Variants in ANKRD42 observed in about 807,000 individuals in gnomAD.
ANKRD42 encodes the protein ankyrin repeat domain-containing protein 42.
Under a neutral mutation model 51.5 loss-of-function variants are expected in ANKRD42, and 43 were observed. The ratio of observed to expected loss-of-function variants is 0.83; its 90% CI spans 0.65 to 1.08. ANKRD42 has a LOEUF of 1.08. Ranked by LOEUF, ANKRD42 falls within the 50% of genes least tolerant of loss-of-function variation. The probability of loss-of-function intolerance (pLI) is 0.00; values close to 1 mark genes in which losing one functional copy is unlikely to be tolerated. For missense variants in ANKRD42, 608 were observed against 629.3 expected (o/e 0.97, Z 0.36); for synonymous variants, 203 against 213.0 (o/e 0.95, Z 0.41).
At chr11:83,254,753 A>G (rs567767096) in intron 11 of ANKRD42, among the ~76,000 whole-genome samples, 206 of 152,168 alleles carry the variant, frequency 1.4e-3, no homozygotes, top group Non-Finnish European at 2.4e-3. Flanking sequence ...GCTACTTACT[A>G]CACTTGATTT....
chr11:83,238,009 C>G (rs1358174740), intron 8 of ANKRD42, among the ~76,000 whole-genome samples: 1 of 152,196 alleles, frequency 6.6e-6, no homozygotes, highest in South Asian at 2.1e-4. Context: ...GCTTCTTTCA[C>G]TCAACGTAAT....
intron 11 of ANKRD42, among the ~76,000 whole-genome samples, chr11:83,255,328 G>T (rs1020470307): frequency 6.6e-6 from 1 of 152,270 alleles, no homozygotes; most frequent in Non-Finnish European, 1.5e-5. Context: ...GAAATATTTA[G>T]AAACAGTGAG....
chr11:83,205,210 C>G (rs1054236118), intron 2 of ANKRD42, among the ~76,000 whole-genome samples: 4 of 152,208 alleles, frequency 2.6e-5, no homozygotes, highest in African/African-American at 9.7e-5. Context: ...TCGACAGTGG[C>G]TTTATTCTCT....
At chr11:83,212,723 T>C (rs1862372618) in intron 5 of ANKRD42, 1 of 1,535,992 alleles carries the variant, frequency 6.5e-7, no homozygotes, top group Non-Finnish European at 8.7e-7. Context: ...ATTTGGCACC[T>C]ACCTACCTGC....
downstream of ANKRD42, chr11:83,260,965 A>G (rs2135576395): frequency 6.6e-6 from 1 of 152,346 alleles, no homozygotes; most frequent in African/African-American, 2.4e-5. Context: ...CTTAAACTAC[A>G]TTAAGAAGCA....
chr11:83,207,537 A>T (rs1862124204), intron 3 of ANKRD42, among the ~76,000 whole-genome samples: 1 of 152,228 alleles, frequency 6.6e-6, no homozygotes. Context: ...GATTTTAAAG[A>T]GGTAAGTAAT....
At chr11:83,262,453 G>A (rs533688875), downstream of ANKRD42, among the ~76,000 whole-genome samples, 7 of 152,110 alleles carry the variant, frequency 4.6e-5, no homozygotes, top group African/African-American at 1.4e-4. Context: ...TGAGGTAGAA[G>A]AAAAGGCAGA....
chr11:83,231,388 GC>G (rs1428956190), intron 7 of ANKRD42, among the ~76,000 whole-genome samples: 2 of 152,072 alleles, frequency 1.3e-5, no homozygotes, highest in Non-Finnish European at 2.9e-5. Flanking sequence ...CAGATCTTTT[GC>G]CCATTTAAAA....
At chr11:83,217,471 T>A (rs1214023316) in intron 5 of ANKRD42, among the ~76,000 whole-genome samples, 1 of 152,218 alleles carries the variant, frequency 6.6e-6, no homozygotes, top group Non-Finnish European at 1.5e-5. Context: ...GTCCTAAGAT[T>A]CGTCGGATAG....
At chr11:83,258,122 C>T (rs930539295), downstream of ANKRD42, among the ~76,000 whole-genome samples, 1 of 152,088 alleles carries the variant, frequency 6.6e-6, no homozygotes, top group African/African-American at 2.4e-5. Context: ...GATGGCAGAG[C>T]AGTAAAATAA....
chr11:83,239,500 T>C (rs1191016375), intron 8 of ANKRD42, among the ~76,000 whole-genome samples: 1 of 152,216 alleles, frequency 6.6e-6, no homozygotes, highest in Non-Finnish European at 1.5e-5. Context: ...TTTTCTTTTA[T>C]GTTTTCTTTT....
chr11:83,203,621 T>C (rs1861955552), intron 2 of ANKRD42, among the ~76,000 whole-genome samples: 1 of 152,274 alleles, frequency 6.6e-6, no homozygotes, highest in East Asian at 1.9e-4. Context: ...CTCAAACTCC[T>C]GACCTTGTGA....
intron 2 of ANKRD42, among the ~76,000 whole-genome samples, chr11:83,200,290 T>G (rs529610980): frequency 9.2e-4 from 139 of 151,332 alleles, no homozygotes; most frequent in Non-Finnish European, 1.9e-3. Flanking sequence ...CTTTCCTACT[T>G]TACAGTTTCT....
At chr11:83,210,822 GTTTAT>G (rs1239035668) in intron 4 of ANKRD42, among the ~76,000 whole-genome samples, 3 of 152,138 alleles carry the variant, frequency 2.0e-5, no homozygotes, top group African/African-American at 7.2e-5. Context: ...CAGAAATTTT[GTTTAT>G]TGCAATATTT....
At chr11:83,257,346 A>T (rs759596950), downstream of ANKRD42, 4 of 454,640 alleles carry the variant, frequency 8.8e-6, no homozygotes, top group Non-Finnish European at 1.8e-5. Flanking sequence ...GCTCCAAGAG[A>T]GTCATAATTC....
downstream of ANKRD42, chr11:83,260,256 A>C (rs1312514744): frequency 6.6e-6 from 1 of 152,210 alleles, no homozygotes; most frequent in Non-Finnish European, 1.5e-5. Flanking sequence ...ATTCAATGAG[A>C]ATGAAACCAT....
intron 2 of ANKRD42, among the ~76,000 whole-genome samples, chr11:83,199,927 G>A (rs1861803455): frequency 6.6e-6 from 1 of 152,158 alleles, no homozygotes; most frequent in South Asian, 2.1e-4. Flanking sequence ...GAGCCTGATG[G>A]TTCTTTGTGA....
At chr11:83,256,721 A>G (rs630042), downstream of ANKRD42, among the ~76,000 whole-genome samples, 151,762 of 152,316 alleles carry the variant, frequency 1, 75,607 homozygotes, top group Middle Eastern at 1. Context: ...ACCCTTGCAT[A>G]TACTTCATGT....
At chr11:83,213,698 C>T in intron 5 of ANKRD42, 1 of 368,282 alleles carries the variant, frequency 2.7e-6, no homozygotes, top group Admixed American at 5.4e-5. Context: ...TGTACTAGTT[C>T]AAATCTTTTG....
Sources: allele counts gnomAD v4.1 joint callset (sites outside exome capture counted in the v4.1 genomes callset), GRCh38; gene constraint gnomAD v4.1.1; transcripts MANE v1.5; gene names NCBI Gene and HGNC (gene_info 2026-07-23, HGNC 2026-07-21).